Variants in TMED10 observed in about 807,000 individuals in gnomAD.
The protein encoded by TMED10 is transmembrane p24 trafficking protein 10, also known as transmembrane emp24 domain-containing protein 10.
A neutral mutation model predicts 23.1 loss-of-function variants in TMED10; 7 were observed. That is an observed-to-expected ratio of 0.30 (90% CI 0.17 to 0.57). TMED10 has a LOEUF of 0.57. TMED10 is among the 20% of genes least tolerant of loss of function. The pLI, the probability that TMED10 is intolerant of heterozygous loss-of-function variation, is 0.91. For missense variants in TMED10, 162 were observed against 274.8 expected, an observed-to-expected ratio of 0.59 and a Z score of 2.90; for synonymous variants, 113 against 106.9, an observed-to-expected ratio of 1.06 and a Z score of -0.35.
chr14:75,151,908 A>G (rs1172368591), intron 2 of TMED10, 124 bp downstream of exon 2: 1 of 823,232 alleles, frequency 1.2e-6, no homozygotes, highest in African/African-American at 1.7e-5. Flanking sequence ...CTACAAGGTA[A>G]CAGGTCTCCA....
At chr14:75,163,552 C>CAAAAAAAAA (rs758185921) in intron 1 of TMED10, among the ~76,000 whole-genome samples, 4 of 60,758 alleles carry the variant, frequency 6.6e-5, no homozygotes, top group African/African-American at 1.2e-4. Flanking sequence ...GACTCCGTAT[C>CAAAAAAAAA]AAAAAAAAAA....
chr14:75,165,025 A>G (rs1327214015), intron 1 of TMED10, among the ~76,000 whole-genome samples: 2 of 152,108 alleles, frequency 1.3e-5, no homozygotes, highest in Non-Finnish European at 2.9e-5. Flanking sequence ...AATAAACTAC[A>G]TGAAGAATCC....
At chr14:75,159,851 TTCTC>T (rs1426751190) in intron 1 of TMED10, among the ~76,000 whole-genome samples, 1 of 152,242 alleles carries the variant, frequency 6.6e-6, no homozygotes, top group African/African-American at 2.4e-5. Flanking sequence ...GCATTGTCTC[TTCTC>T]TCTATGACAT....
At chr14:75,140,810 A>G (rs1701556800) in intron 3 of TMED10, among the ~76,000 whole-genome samples, 1 of 152,210 alleles carries the variant, frequency 6.6e-6, no homozygotes, top group South Asian at 2.1e-4. Flanking sequence ...CAGTAATACC[A>G]GCACTTTGGG....
Position 75,170,307 on chromosome 14 carries a change from A to T in TMED10, c.225+6048T>A, listed in dbSNP as rs532173232. On this transcript the variant is annotated intron_variant, in intron 1 of 4. Transcript: ENST00000303575. ...CCGCTATGGGCTGCATCTGCTCACA[A>T]ATGTGTTCTGTGGCTTGCATGGTAT... Among the ~76,000 whole-genome samples, 142 of 152,282 alleles carry T rather than the reference A, an allele frequency of 9.3e-4. 1 individual carries two copies. Among genetic ancestry groups the T allele is most frequent in the South Asian group, 2.5e-3 (12 of 4,824 alleles).
intron 1 of TMED10, among the ~76,000 whole-genome samples, chr14:75,170,837 C>T (rs545011473): frequency 3.9e-5 from 6 of 152,126 alleles, no homozygotes; most frequent in Non-Finnish European, 5.9e-5. Context: ...GAAGGAGTAA[C>T]GGAATTAGAA....
intron 4 of TMED10, 98 bp from the exon 5 acceptor site, chr14:75,135,104 C>T (rs781406252): frequency 1.4e-4 from 201 of 1,450,814 alleles, no homozygotes; most frequent in Non-Finnish European, 1.8e-4. Context: ...TAATTAACTT[C>T]ACTCTGTCCC....
chr14:75,135,602 G>A, intron 4 of TMED10, 158 bp downstream of exon 4: 1 of 987,914 alleles, frequency 1.0e-6, no homozygotes, highest in South Asian at 1.7e-5. Flanking sequence ...AATCTAACAA[G>A]GCTCATTTAC....
At chr14:75,165,768 G>A (rs1896152801) in intron 1 of TMED10, among the ~76,000 whole-genome samples, 1 of 152,126 alleles carries the variant, frequency 6.6e-6, no homozygotes, top group African/African-American at 2.4e-5. Context: ...CAAATTTCTA[G>A]TACAGTTCAC....
intron 1 of TMED10, chr14:75,175,965 C>T: frequency 3.6e-6 from 1 of 279,712 alleles, no homozygotes; most frequent in East Asian, 1.0e-4. Context: ...GCTCTGTCTC[C>T]TTTACTTTCC....
At position 75,164,546 on chromosome 14, in the gene TMED10, TATATATATATATATATATATATA is replaced by T. The variant is rs1896127683; in HGVS notation, c.225+11786_225+11808del. On this transcript the variant is annotated intron_variant, in intron 1 of 4. Coordinates refer to ENST00000303575, the MANE Select transcript of TMED10 (RefSeq NM_006827.6). ...GCACCTGGCCTAATATATATATATATATATATATATATATATATATATATATATATATTTTTTTTTTTTTTTTT... is the reference window on the plus strand; with the variant it reads ...GCACCTGGCCTAATATATATATATATTATATATATTTTTTTTTTTTTTTTT... Among the ~76,000 whole-genome samples the T allele has an allele frequency of 6.3e-4, 21 of 33,582 alleles. 3 individuals carry two copies. The highest frequency in any genetic ancestry group is 6.8e-4 in the Non-Finnish European group (14 of 20,464). 22.0% of individuals were successfully genotyped at this position (33,582 alleles called of 152,430 possible). A position where few individuals can be genotyped will look rare whatever the true frequency, so the allele number is the denominator to read the frequency against.
intron 1 of TMED10, among the ~76,000 whole-genome samples, chr14:75,159,555 C>T (rs1478792453): frequency 1.3e-5 from 2 of 152,200 alleles, no homozygotes; most frequent in African/African-American, 2.4e-5. Context: ...AGATTATAAT[C>T]TCTTAATTTT....
At chr14:75,146,907 C>CCAGATAGATAGA (rs1287280759) in intron 3 of TMED10, among the ~76,000 whole-genome samples, 2 of 78,998 alleles carry the variant, frequency 2.5e-5, no homozygotes, top group East Asian at 4.2e-4. Context: ...AATCCATGCC[C>CCAGATAGATAGA]CAGATAGATA....
At chr14:75,156,585 T>C (rs1896021702) in intron 1 of TMED10, among the ~76,000 whole-genome samples, 1 of 152,272 alleles carries the variant, frequency 6.6e-6, no homozygotes. Context: ...CAAGAGAAGG[T>C]AGACATTTTA....
chr14:75,171,281 ATTT>A (rs377453522), intron 1 of TMED10, among the ~76,000 whole-genome samples: 1 of 141,926 alleles, frequency 7.0e-6, no homozygotes. Flanking sequence ...ACTGGCTTTA[ATTT>A]TTTTTTTTTT....
Position 75,143,933 on chromosome 14 carries a change from CA to C in TMED10, c.411+3730del, listed in dbSNP as rs5809695. Among the ~76,000 whole-genome samples, 845 of 126,158 alleles carry C rather than the reference CA, an allele frequency of 6.7e-3. 7 individuals are homozygous for C. Among genetic ancestry groups the C allele is most frequent in the African/African-American group, 0.017 (536 of 32,344 alleles). The allele number at this position is 126,158 out of a possible 152,430, so 82.8% of individuals were successfully genotyped here. On this transcript the variant is annotated intron_variant, in intron 3 of 4. Coordinates refer to ENST00000303575, the MANE Select transcript of TMED10 (RefSeq NM_006827.6). The stretch of plus-strand genomic sequence containing the variant: ...TGAATAACTGAGTGATACTCTGTCT[CA>C]AAAAAAAAAAAAAAAAGGACTTTGG...
chr14:75,140,031 C>T (rs780916758), intron 3 of TMED10, among the ~76,000 whole-genome samples: 52 of 152,274 alleles, frequency 3.4e-4, no homozygotes, highest in Admixed American at 2.5e-3. Flanking sequence ...AAAGTAATTC[C>T]GCCTTCCTCC....
intron 1 of TMED10, among the ~76,000 whole-genome samples, chr14:75,169,388 G>A (rs1896202254): frequency 6.6e-6 from 1 of 152,194 alleles, no homozygotes; most frequent in South Asian, 2.1e-4. Flanking sequence ...CTCAGGCTAG[G>A]CACAGTGGCT....
intron 4 of TMED10, 104 bp from the exon 5 acceptor site, chr14:75,135,110 G>C: frequency 7.1e-7 from 1 of 1,399,480 alleles, no homozygotes; most frequent in Non-Finnish European, 9.8e-7. Flanking sequence ...ACTTCACTCT[G>C]TCCCTAGGTC....
Sources: allele counts gnomAD v4.1 joint callset (sites outside exome capture counted in the v4.1 genomes callset), GRCh38; gene constraint gnomAD v4.1.1; transcripts MANE v1.5; gene names NCBI Gene and HGNC (gene_info 2026-07-23, HGNC 2026-07-21).